HCN1: variants seen among roughly 807,000 people sequenced by gnomAD.
HCN1 encodes hyperpolarization activated cyclic nucleotide gated potassium channel 1.
Under a neutral mutation model 78.9 loss-of-function variants are expected in HCN1, and 13 were observed. The observed-to-expected ratio is 0.16, with a 90% CI of 0.11 to 0.26. The LOEUF is 0.26. HCN1 is among the 10% of genes least tolerant of loss of function. The probability of loss-of-function intolerance (pLI) is 1.00; values close to 1 mark genes in which losing one functional copy is unlikely to be tolerated. For synonymous variants in HCN1, 552 were observed against 455.5 expected (o/e 1.21, Z -2.70); for missense variants, 810 against 1,154.3 (o/e 0.70, Z 4.32).
intron 6 of HCN1, among the ~76,000 whole-genome samples, chr5:45,303,394 A>G (rs1447208141): frequency 6.6e-6 from 1 of 152,136 alleles, no homozygotes; most frequent in Non-Finnish European, 1.5e-5. Flanking sequence ...TTGAAATAAT[A>G]TCTCAACCAA....
At chr5:45,641,338 A>G (rs2112026280) in intron 2 of HCN1, among the ~76,000 whole-genome samples, 1 of 152,276 alleles carries the variant, frequency 6.6e-6, no homozygotes, top group East Asian at 1.9e-4. Context: ...CTGTTGTTAT[A>G]CATAATTTGT....
At chr5:45,679,373 C>G (rs1322816342) in intron 1 of HCN1, among the ~76,000 whole-genome samples, 1 of 152,034 alleles carries the variant, frequency 6.6e-6, no homozygotes, top group Non-Finnish European at 1.5e-5. Context: ...ATTTGGAACA[C>G]TTTTTGTAGA....
At chr5:45,636,456 G>A (rs142246954) in intron 2 of HCN1, among the ~76,000 whole-genome samples, 34 of 152,256 alleles carry the variant, frequency 2.2e-4, no homozygotes, top group African/African-American at 6.7e-4. Flanking sequence ...CATCTATTCG[G>A]AAACTGGACA....
At chr5:45,653,951 T>C (rs769284699) in intron 1 of HCN1, among the ~76,000 whole-genome samples, 1 of 152,046 alleles carries the variant, frequency 6.6e-6, no homozygotes, top group Admixed American at 6.6e-5. Context: ...ATATAATCAT[T>C]TGTTCTTTTG....
At chr5:45,413,094 T>C (rs1740054837) in intron 3 of HCN1, among the ~76,000 whole-genome samples, 1 of 151,976 alleles carries the variant, frequency 6.6e-6, no homozygotes, top group Non-Finnish European at 1.5e-5. Flanking sequence ...TAGTGGTAAG[T>C]CACCTTAGAA....
chr5:45,259,714 C>T lies in HCN1; in HGVS notation c.*2207G>A, dbSNP rs910722527. ...ATTTTGCTTATGTTTCCCAATAGTG[C>T]TCAAAATAAAAAACCAAAAATTTAT... On this transcript the variant is annotated 3_prime_UTR_variant, in exon 8 of 8. Coordinates refer to ENST00000303230, the MANE Select transcript of HCN1 (RefSeq NM_021072.4). 2 of 152,090 alleles carry T rather than the reference C, an allele frequency of 1.3e-5. No homozygotes were observed. Among genetic ancestry groups the T allele is most frequent in the African/African-American group, 4.8e-5 (2 of 41,350 alleles). 9.4% of individuals were successfully genotyped at this position (152,090 alleles called of 1,614,324 possible). A position where few individuals can be genotyped will look rare whatever the true frequency, so the allele number is the denominator to read the frequency against.
intron 2 of HCN1, among the ~76,000 whole-genome samples, chr5:45,630,102 G>A (rs1000289692): frequency 1.3e-5 from 2 of 152,128 alleles, no homozygotes; most frequent in African/African-American, 4.8e-5. Flanking sequence ...AGCTTGGGAG[G>A]GAGATCATAT....
Position 45,262,701 on chromosome 5 carries a change from C to G in HCN1, c.1893G>C (p.Glu631Asp). Residue 631 changes from glutamate (E) to aspartate (D), a missense_variant, in exon 8 of 8, where the codon GAG (glutamate) becomes GAC (aspartate). This residue lies in a region of HCN1 where 398 missense variants were observed against 381.3 expected (regional missense o/e 1.04). Coordinates refer to ENST00000303230, the MANE Select transcript of HCN1 (RefSeq NM_021072.4). ...TGATGGGAGCGATTGCCTGCACCAT[C>G]TCCCTGTCATGTTTCACAATCTGCT... ...ILKQIVKHDR[E>D]MVQAIAPINY... 1.2e-6 allele frequency: 2 copies of G among 1,614,152 alleles called. No homozygotes were observed. Among genetic ancestry groups the G allele is most frequent in the Middle Eastern group, 1.7e-4 (1 of 6,060 alleles).
At chr5:45,684,391 C>A (rs1281465474) in intron 1 of HCN1, among the ~76,000 whole-genome samples, 1 of 152,088 alleles carries the variant, frequency 6.6e-6, no homozygotes, top group Admixed American at 6.6e-5. Context: ...AGATATATAT[C>A]CAGATCACAG....
chr5:45,446,430 C>T (rs1379760183), intron 3 of HCN1, among the ~76,000 whole-genome samples: 28 of 152,116 alleles, frequency 1.8e-4, no homozygotes, highest in East Asian at 3.9e-4. Flanking sequence ...CTGAAAGTGA[C>T]GGGGAGAATG....
At chr5:45,348,204 C>T (rs531713594) in intron 5 of HCN1, among the ~76,000 whole-genome samples, 4 of 152,108 alleles carry the variant, frequency 2.6e-5, no homozygotes, top group African/African-American at 4.8e-5. Context: ...GAGTGGGGGG[C>T]CAGTATTCAA....
intron 4 of HCN1, among the ~76,000 whole-genome samples, chr5:45,373,633 A>G (rs1747493458): frequency 7.4e-6 from 1 of 135,232 alleles, no homozygotes; most frequent in Non-Finnish European, 1.6e-5. Flanking sequence ...TACATACGGT[A>G]TATACGTCAT....
intron 6 of HCN1, among the ~76,000 whole-genome samples, chr5:45,302,998 G>C (rs1374759525): frequency 2.6e-5 from 4 of 152,000 alleles, no homozygotes; most frequent in African/African-American, 9.7e-5. Flanking sequence ...TCATCAGTGT[G>C]AAAATGAACT....
intron 6 of HCN1, among the ~76,000 whole-genome samples, chr5:45,284,974 T>A (rs1480263762): frequency 6.6e-6 from 1 of 152,054 alleles, no homozygotes; most frequent in Non-Finnish European, 1.5e-5. Context: ...TTCCACAAGT[T>A]TCTATTTCAT....
At chr5:45,534,950 A>G (rs1742937070) in intron 2 of HCN1, among the ~76,000 whole-genome samples, 1 of 152,324 alleles carries the variant, frequency 6.6e-6, no homozygotes, top group Non-Finnish European at 1.5e-5. Context: ...ACATACATTA[A>G]TCACATGCCC....
intron 2 of HCN1, among the ~76,000 whole-genome samples, chr5:45,504,488 C>G (rs1003593017): frequency 3.3e-5 from 5 of 152,246 alleles, no homozygotes; most frequent in Admixed American, 3.3e-4. Flanking sequence ...TTTTCTTAAT[C>G]CAGTCTATTG....
At chr5:45,287,134 T>A (rs1467751134) in intron 6 of HCN1, among the ~76,000 whole-genome samples, 1 of 151,660 alleles carries the variant, frequency 6.6e-6, no homozygotes. Context: ...GTTTTATAAT[T>A]CAATAGAAGT....
At chr5:45,308,754 T>C (rs1407617195) in intron 5 of HCN1, among the ~76,000 whole-genome samples, 2 of 152,172 alleles carry the variant, frequency 1.3e-5, no homozygotes, top group African/African-American at 4.8e-5. Flanking sequence ...TACCATGCTG[T>C]TTTGGTTACT....
At chr5:45,654,546 T>C (rs956544548) in intron 1 of HCN1, among the ~76,000 whole-genome samples, 3 of 152,182 alleles carry the variant, frequency 2.0e-5, no homozygotes, top group African/African-American at 7.2e-5. Flanking sequence ...AACAAAAATG[T>C]ATTCTAGTAC....
Sources: gnomAD v4.1 joint callset for allele counts (sites outside exome capture counted in the v4.1 genomes callset) on GRCh38, gnomAD v4.1.1 for gene constraint, gnomAD v4.1.1 regional missense constraint, MANE v1.5 for transcripts, NCBI Gene and HGNC (gene_info 2026-07-23, HGNC 2026-07-21) for gene names.